ROBO2: variants seen among roughly 807,000 people sequenced by gnomAD.
ROBO2 encodes the protein roundabout guidance receptor 2.
A neutral mutation model predicts 160.8 loss-of-function variants in ROBO2; 53 were observed. The observed-to-expected ratio is 0.33, with a 90% CI of 0.26 to 0.41. ROBO2 has a LOEUF of 0.41. Ranked by LOEUF, ROBO2 falls within the 10% of genes least tolerant of loss-of-function variation. The pLI, the probability that ROBO2 is intolerant of heterozygous loss-of-function variation, is 1.00. For missense variants in ROBO2, 1,577 were observed against 1,722.4 expected, an observed-to-expected ratio of 0.92 and a Z score of 1.49; for synonymous variants, 664 against 611.7, an observed-to-expected ratio of 1.09 and a Z score of -1.26.
intron 2 of ROBO2, among the ~76,000 whole-genome samples, chr3:77,134,427 G>C (rs115592257): frequency 0.017 from 2,569 of 152,254 alleles, 31 homozygotes; most frequent in African/African-American, 0.029. Flanking sequence ...TCTTCTCAGA[G>C]AGCATAATAA....
intron 2 of ROBO2, among the ~76,000 whole-genome samples, chr3:76,142,101 T>C (rs888881294): frequency 6.6e-6 from 1 of 151,814 alleles, no homozygotes; most frequent in Admixed American, 6.6e-5. Context: ...AAAGGGATAA[T>C]AAAAAATAAG....
chr3:76,570,521 C>T (rs1235151110), intron 2 of ROBO2, among the ~76,000 whole-genome samples: 10 of 152,134 alleles, frequency 6.6e-5, no homozygotes, highest in African/African-American at 2.4e-4. Flanking sequence ...CTTTTAAAAG[C>T]ACACAATCTT....
intron 2 of ROBO2, among the ~76,000 whole-genome samples, chr3:75,945,270 T>C (rs76610818): frequency 6.6e-6 from 1 of 151,998 alleles, no homozygotes; most frequent in South Asian, 2.1e-4. Context: ...GGGATCAGAT[T>C]ATTTTGATAG....
chr3:76,421,667 G>A (rs138837438), intron 2 of ROBO2, among the ~76,000 whole-genome samples: 55 of 152,150 alleles, frequency 3.6e-4, no homozygotes, highest in Middle Eastern at 3.4e-3. Context: ...CACAGGTTGC[G>A]GTAAGCAGAG....
At chr3:77,013,106 A>G (rs1185011448) in intron 2 of ROBO2, among the ~76,000 whole-genome samples, 3 of 152,198 alleles carry the variant, frequency 2.0e-5, no homozygotes, top group Non-Finnish European at 4.4e-5. Context: ...ATAAATTTCT[A>G]TAAAATCCTT....
At chr3:76,992,809 C>G (rs1452579842) in intron 2 of ROBO2, among the ~76,000 whole-genome samples, 2 of 151,812 alleles carry the variant, frequency 1.3e-5, no homozygotes, top group Non-Finnish European at 1.5e-5. Flanking sequence ...CATAAAAAGT[C>G]AAAGTTTTAC....
chr3:77,389,236 G>A (rs1404229641), intron 2 of ROBO2, among the ~76,000 whole-genome samples: 3 of 152,120 alleles, frequency 2.0e-5, no homozygotes, highest in Non-Finnish European at 4.4e-5. Flanking sequence ...GAGCCACCAC[G>A]CCAGGCCTTA....
intron 2 of ROBO2, among the ~76,000 whole-genome samples, chr3:77,326,528 G>A (rs1361769904): frequency 6.6e-6 from 1 of 152,080 alleles, no homozygotes; most frequent in Non-Finnish European, 1.5e-5. Context: ...ATCTTGTTTT[G>A]TGTTGTTTAA....
chr3:77,509,067 G>T (rs1487754309), intron 5 of ROBO2, among the ~76,000 whole-genome samples: 1 of 151,990 alleles, frequency 6.6e-6, no homozygotes, highest in Non-Finnish European at 1.5e-5. Flanking sequence ...TTACAAGTCT[G>T]GTTTACATAT....
Position 76,137,178 on chromosome 3 carries a change from T to C in ROBO2, c.109+199576T>C, listed in dbSNP as rs566886764. On this transcript the variant is annotated intron_variant, in intron 2 of 26. Coordinates refer to the ROBO2 transcript ENST00000487694. ...TTGCTGGCAGGGCTTATGGCTACTG[T>C]CCATTTACCCTGAGATAACTTTGCC... 3.0e-4 allele frequency among the ~76,000 whole-genome samples: 45 copies of C among 152,116 alleles called. No individual in the cohort carries two copies. The East Asian group carries it at 7.7e-3, about 26-fold the overall frequency.
chr3:76,955,085 A>T (rs573198464), intron 2 of ROBO2, among the ~76,000 whole-genome samples: 1 of 152,108 alleles, frequency 6.6e-6, no homozygotes, highest in African/African-American at 2.4e-5. Context: ...TACGAATTTG[A>T]CTATTCTAGA....
At chr3:76,615,158 T>C (rs2088480127) in intron 2 of ROBO2, among the ~76,000 whole-genome samples, 1 of 152,198 alleles carries the variant, frequency 6.6e-6, no homozygotes, top group Non-Finnish European at 1.5e-5. Context: ...GTTATTATAA[T>C]GCTGATGTTT....
intron 2 of ROBO2, among the ~76,000 whole-genome samples, chr3:77,298,209 GTTAAAAC>G (rs1332011948): frequency 6.6e-6 from 1 of 152,154 alleles, no homozygotes; most frequent in Non-Finnish European, 1.5e-5. Context: ...AAGTCTGAAA[GTTAAAAC>G]TTAGAATAAG....
chr3:76,616,652 G>T (rs1198276195), intron 2 of ROBO2, among the ~76,000 whole-genome samples: 1 of 152,178 alleles, frequency 6.6e-6, no homozygotes, highest in African/African-American at 2.4e-5. Context: ...GGAGTCACAC[G>T]AACTGTGCTT....
At chr3:76,860,495 T>C (rs2148610734) in intron 2 of ROBO2, among the ~76,000 whole-genome samples, 1 of 152,324 alleles carries the variant, frequency 6.6e-6, no homozygotes, top group Admixed American at 6.5e-5. Context: ...TTTTTGTTTT[T>C]TGTTTTTTAA....
chr3:77,496,606 G>T (rs2086818696), intron 5 of ROBO2, among the ~76,000 whole-genome samples: 1 of 152,114 alleles, frequency 6.6e-6, no homozygotes, highest in Admixed American at 6.6e-5. Context: ...AACATTTAAT[G>T]AAATTTGAAT....
intron 5 of ROBO2, among the ~76,000 whole-genome samples, chr3:77,516,579 A>G (rs1352697176): frequency 6.6e-6 from 1 of 151,514 alleles, no homozygotes; most frequent in African/African-American, 2.4e-5. Flanking sequence ...GAAATTATTT[A>G]TTTGTTCATG....
intron 2 of ROBO2, among the ~76,000 whole-genome samples, chr3:77,315,362 G>A (rs1244483686): frequency 6.6e-6 from 1 of 152,088 alleles, no homozygotes; most frequent in Admixed American, 6.6e-5. Flanking sequence ...AAGGTCTGAG[G>A]GTGAATGGTA....
chr3:76,265,142 C>T (rs1334159346), intron 2 of ROBO2, among the ~76,000 whole-genome samples: 2 of 152,248 alleles, frequency 1.3e-5, no homozygotes, highest in Non-Finnish European at 2.9e-5. Context: ...AGCCTGGAGG[C>T]ACGTGAGTCC....
Sources: gnomAD v4.1 joint callset for allele counts (sites outside exome capture counted in the v4.1 genomes callset) on GRCh38, gnomAD v4.1.1 for gene constraint, MANE v1.5 for transcripts, NCBI Gene and HGNC (gene_info 2026-07-23, HGNC 2026-07-21) for gene names.